Variants in KCNMB2 observed in about 807,000 individuals in gnomAD.
KCNMB2 encodes the protein potassium calcium-activated channel subfamily M regulatory beta subunit 2.
KCNMB2 carries 9 observed loss-of-function variants against 24.5 expected under a neutral mutation model. The observed-to-expected ratio is 0.37, with a 90% CI of 0.22 to 0.64. The LOEUF is 0.64. Among genes scored for constraint, KCNMB2 ranks in the 30% least tolerant of loss-of-function variants. The pLI is 0.63. For missense variants in KCNMB2, 226 were observed against 284.3 expected (o/e 0.79, Z 1.47); for synonymous variants, 109 against 104.4 (o/e 1.04, Z -0.27).
chr3:178,577,167 G>T (rs1717025621), intron 1 of KCNMB2, among the ~76,000 whole-genome samples: 1 of 152,172 alleles, frequency 6.6e-6, no homozygotes, highest in African/African-American at 2.4e-5. Context: ...TCCAAAGGAA[G>T]GAACAAGGAG....
intron 1 of KCNMB2, among the ~76,000 whole-genome samples, chr3:178,642,767 G>A (rs887614031): frequency 9.2e-5 from 14 of 152,200 alleles, no homozygotes; most frequent in African/African-American, 3.1e-4. Context: ...GCCTGATCAT[G>A]GCAGCATGCA....
chr3:178,773,279 C>T (rs1013050905), intron 1 of KCNMB2, among the ~76,000 whole-genome samples: 9 of 149,516 alleles, frequency 6.0e-5, no homozygotes, highest in African/African-American at 2.2e-4. Flanking sequence ...TTTATTTCCA[C>T]TTCATTATTT....
intron 1 of KCNMB2, among the ~76,000 whole-genome samples, chr3:178,667,105 T>A (rs1720745447): frequency 6.6e-6 from 1 of 152,142 alleles, no homozygotes; most frequent in South Asian, 2.1e-4. Flanking sequence ...CAAACATTTT[T>A]AATCCATGGA....
intron 1 of KCNMB2, among the ~76,000 whole-genome samples, chr3:178,806,068 G>A (rs747631068): frequency 3.9e-5 from 6 of 152,192 alleles, no homozygotes; most frequent in South Asian, 2.1e-4. Context: ...GTTTGAGGCT[G>A]CAGTGAGCTA....
intron 1 of KCNMB2, among the ~76,000 whole-genome samples, chr3:178,584,206 G>C (rs1717336034): frequency 6.6e-6 from 1 of 152,204 alleles, no homozygotes; most frequent in Non-Finnish European, 1.5e-5. Flanking sequence ...CAACACACAA[G>C]TTTAGTGCCT....
intron 1 of KCNMB2, among the ~76,000 whole-genome samples, chr3:178,669,553 C>T (rs1720830870): frequency 6.6e-6 from 1 of 152,060 alleles, no homozygotes; most frequent in East Asian, 1.9e-4. Context: ...GAAGCCTCAC[C>T]TAATCAACCT....
intron 1 of KCNMB2, among the ~76,000 whole-genome samples, chr3:178,730,405 A>ACCCCCCCCCCCCC (rs71181246): frequency 8.9e-6 from 1 of 112,148 alleles, no homozygotes; most frequent in Non-Finnish European, 1.8e-5. Context: ...GTCCCCCAAC[A>ACCCCCCCCCCCCC]CCCCCCCACA....
chr3:178,603,149 A>G (rs1378293026), intron 1 of KCNMB2, among the ~76,000 whole-genome samples: 1 of 152,168 alleles, frequency 6.6e-6, no homozygotes, highest in Non-Finnish European at 1.5e-5. Context: ...TGGGGCAGGG[A>G]AAAAATGAGG....
intron 1 of KCNMB2, among the ~76,000 whole-genome samples, chr3:178,717,711 A>G (rs1013287599): frequency 6.6e-6 from 1 of 152,154 alleles, no homozygotes; most frequent in Non-Finnish European, 1.5e-5. Flanking sequence ...TTATTCAGCA[A>G]GCATTTATTG....
At chr3:178,645,620 G>T (rs1163972127) in intron 1 of KCNMB2, among the ~76,000 whole-genome samples, 1 of 152,144 alleles carries the variant, frequency 6.6e-6, no homozygotes, top group Non-Finnish European at 1.5e-5. Flanking sequence ...GAGAGTGGAG[G>T]TATCTATTCA....
chr3:178,777,310 C>T (rs1289371908), intron 1 of KCNMB2, among the ~76,000 whole-genome samples: 1 of 152,038 alleles, frequency 6.6e-6, no homozygotes, highest in Non-Finnish European at 1.5e-5. Context: ...TGACGGGCGC[C>T]TGTAATCCAA....
chr3:178,810,992 T>G (rs1714170335), intron 2 of KCNMB2, among the ~76,000 whole-genome samples: 1 of 150,028 alleles, frequency 6.7e-6, no homozygotes, highest in Non-Finnish European at 1.5e-5. Context: ...GACCTCGTGA[T>G]CCGCCCACCT....
chr3:178,785,788 G>A (rs1424438650), intron 1 of KCNMB2, among the ~76,000 whole-genome samples: 1 of 151,954 alleles, frequency 6.6e-6, no homozygotes, highest in Non-Finnish European at 1.5e-5. Flanking sequence ...TGGCATGTTA[G>A]GTATATTAGG....
chr3:178,752,140 T>A (rs1022642419), intron 1 of KCNMB2, among the ~76,000 whole-genome samples: 1 of 152,222 alleles, frequency 6.6e-6, no homozygotes, highest in Non-Finnish European at 1.5e-5. Context: ...AGTTGAATTA[T>A]TTTCTAAAGT....
intron 1 of KCNMB2, among the ~76,000 whole-genome samples, chr3:178,728,602 C>G (rs1459275492): frequency 1.3e-5 from 2 of 152,088 alleles, no homozygotes; most frequent in African/African-American, 4.8e-5. Flanking sequence ...GCAAGAGGCA[C>G]CTACCAGTCA....
At chr3:178,781,275 T>C (rs1712822511) in intron 1 of KCNMB2, among the ~76,000 whole-genome samples, 1 of 152,160 alleles carries the variant, frequency 6.6e-6, no homozygotes, top group South Asian at 2.1e-4. Context: ...TTTGTTTTGT[T>C]TACAGCAAAG....
intron 1 of KCNMB2, among the ~76,000 whole-genome samples, chr3:178,743,692 G>A (rs1259501191): frequency 1.3e-5 from 2 of 152,166 alleles, no homozygotes; most frequent in Non-Finnish European, 2.9e-5. Context: ...CCATGGTGGG[G>A]GGAACCACAA....
intron 1 of KCNMB2, among the ~76,000 whole-genome samples, chr3:178,805,131 C>T (rs1713914281): frequency 6.6e-6 from 1 of 152,138 alleles, no homozygotes; most frequent in Admixed American, 6.6e-5. Flanking sequence ...TGCCATTATC[C>T]TAGAACAAGA....
At chr3:178,743,017 G>A (rs1723546154) in intron 1 of KCNMB2, among the ~76,000 whole-genome samples, 1 of 152,018 alleles carries the variant, frequency 6.6e-6, no homozygotes, top group South Asian at 2.1e-4. Flanking sequence ...CTATTTTGAG[G>A]GAATACCAAG....
Sources: allele counts gnomAD v4.1 joint callset (sites outside exome capture counted in the v4.1 genomes callset), GRCh38; gene constraint gnomAD v4.1.1; transcripts MANE v1.5; gene names NCBI Gene and HGNC (gene_info 2026-07-23, HGNC 2026-07-21).